The following OSBP2 variants were observed in gnomAD, a reference collection of about 807,000 sequenced individuals.
OSBP2 encodes the protein oxysterol-binding protein 2.
In OSBP2, 66 loss-of-function variants were observed where a neutral mutation model predicts 96.0. The observed-to-expected ratio is 0.69, with a 90% CI of 0.56 to 0.84. OSBP2 has a LOEUF of 0.84. OSBP2 is among the 40% of genes least tolerant of loss of function. OSBP2 has a pLI of 0.00. For missense variants in OSBP2, 1,038 were observed against 1,222.7 expected (o/e 0.85, Z 2.25); for synonymous variants, 525 against 520.9 (o/e 1.01, Z -0.11).
intron 3 of OSBP2, among the ~76,000 whole-genome samples, chr22:30,880,731 C>CAGGATT (rs1369702125): frequency 6.6e-6 from 1 of 152,180 alleles, no homozygotes; most frequent in South Asian, 2.1e-4. Flanking sequence ...AGATCACTGT[C>CAGGATT]AGGATTAGGA....
rs775719849 is a variant in OSBP2, at chr22:30,870,357, G to A, written c.854-72G>A. On this transcript the variant is annotated intron_variant, in intron 2 of 13. Transcript: ENST00000332585. This position sits in a 1 kb window ranked among gnomAD's most constrained non-coding sequence, Gnocchi z 4.1. ...TGGCGCTATCCACCCTGCCCTGCTC[G>A]GCCTGGCTGTGCAGGCCTCTTGGTA... The A allele has an allele frequency of 7.9e-6, 12 of 1,516,754 alleles. No homozygotes were observed. The highest frequency in any genetic ancestry group is 2.3e-5 in the South Asian group (2 of 85,376). The allele number at this position is 1,516,754 out of a possible 1,614,324, so 94.0% of individuals were successfully genotyped here.
At position 30,719,332 on chromosome 22, in the gene OSBP2, A is replaced by G. The variant is rs114688896; in HGVS notation, c.645-21829A>G. On this transcript the variant is annotated intron_variant, in intron 1 of 13. Coordinates refer to ENST00000332585, the MANE Select transcript of OSBP2 (RefSeq NM_030758.4). ...CAGAAGTCCCAGCCCACAGTAAATC[A>G]GTGTTCAGTAACTGATAGCCAGCCA... Among the ~76,000 whole-genome samples the G allele has an allele frequency of 6.7e-3, 1,019 of 152,182 alleles. 12 individuals carry two copies. Among genetic ancestry groups the G allele is most frequent in the African/African-American group, 0.022 (893 of 41,514 alleles).
rs542255785 is a variant in OSBP2, at chr22:30,847,022, G to T, written c.854-23407G>T. ...AGATGGAGTCTTTCTCAATCACCCT[G>T]GCTGGAGTACAGTAGCACAATCTTG... On this transcript the variant is annotated intron_variant, in intron 2 of 13. Coordinates refer to ENST00000332585, the MANE Select transcript of OSBP2 (RefSeq NM_030758.4). 2.0e-5 allele frequency among the ~76,000 whole-genome samples: 3 copies of T among 151,990 alleles called. No homozygotes were observed. In the South Asian group the frequency reaches 6.3e-4, roughly 32 times the overall value.
rs148062740 is a variant in OSBP2, at chr22:30,859,786, G to T, written c.854-10643G>T. Among the ~76,000 whole-genome samples the T allele has an allele frequency of 8.1e-4, 124 of 152,344 alleles. 2 individuals carry two copies. In the South Asian group the frequency reaches 8.9e-3, roughly 11 times the overall value. On this transcript the variant is annotated intron_variant, in intron 2 of 13. Coordinates refer to ENST00000332585, the MANE Select transcript of OSBP2 (RefSeq NM_030758.4). ...CTGAATTTGTGTTATGTGGACAAAG[G>T]CTAGACTTCAATGTGGAACAAAGGA...
At chr22:30,732,016 T>C (rs1490506453) in intron 1 of OSBP2, among the ~76,000 whole-genome samples, 1 of 152,096 alleles carries the variant, frequency 6.6e-6, no homozygotes, top group African/African-American at 2.4e-5. Context: ...TGTTAAGAGA[T>C]ACCGGTGCTA....
rs1160723667 is a variant in OSBP2, at chr22:30,893,229, C to T, written c.1977C>T (p.Ser659=). The change falls in exon 9 of 14, where the codon TCC becomes TCT. Residue 659 remains serine, a synonymous_variant. Transcript: ENST00000332585. ...GCAAGTTCCGGGGAAAATACATCTC[C>T]ATCATGCCGCTAGGTGAGCTGGGGC... The part of the protein sequence containing the change: ...ISSKFRGKYI[S]IMPLGAIHLE... 2.5e-6 allele frequency: 4 copies of T among 1,613,984 alleles called. No individual in the cohort carries two copies. Among genetic ancestry groups the T allele is most frequent in the Admixed American group, 3.3e-5 (2 of 59,996 alleles).
intron 3 of OSBP2, among the ~76,000 whole-genome samples, chr22:30,882,506 T>TAAAA (rs11370269): frequency 1.6e-4 from 23 of 142,424 alleles, no homozygotes; most frequent in African/African-American, 5.8e-4. Context: ...ATGCACACTA[T>TAAAA]AAAAAAAAAA....
At chr22:30,813,947 T>G (rs1299042291) in intron 2 of OSBP2, among the ~76,000 whole-genome samples, 1 of 151,808 alleles carries the variant, frequency 6.6e-6, no homozygotes. Context: ...GGATTACAGG[T>G]GCATGCCATC....
chr22:30,709,706 A>AT (rs571759211), intron 1 of OSBP2, among the ~76,000 whole-genome samples: 4 of 148,988 alleles, frequency 2.7e-5, no homozygotes, highest in East Asian at 2.0e-4. Flanking sequence ...TTTAAAAAAA[A>AT]TTTTTTTTTT....
At chr22:30,694,470 G>A, upstream of OSBP2, 1 of 1,220,906 alleles carries the variant, frequency 8.2e-7, no homozygotes, top group Non-Finnish European at 1.1e-6. Context: ...GGCGGAGAGC[G>A]AACCCACCCC....
chr22:30,748,206 G>A (rs1471714701), intron 2 of OSBP2, among the ~76,000 whole-genome samples: 1 of 150,924 alleles, frequency 6.6e-6, no homozygotes, highest in Admixed American at 6.6e-5. Flanking sequence ...ATTTTAAGAT[G>A]GAGTCCACTC....
rs202147704 is a variant in OSBP2, at chr22:30,811,173, C to CA, written c.854-59256_854-59255insA. On this transcript the variant is annotated intron_variant, in intron 2 of 13. Coordinates refer to ENST00000332585, the MANE Select transcript of OSBP2 (RefSeq NM_030758.4). Reference sequence around the variant, plus strand: ...CATATAAGTATACACAACCCCCCCCCCACACATACATATATAAAAATGAGA... The same window carrying CA: ...CATATAAGTATACACAACCCCCCCCCACACACATACATATATAAAAATGAGA... 7.5e-3 allele frequency among the ~76,000 whole-genome samples: 1,122 copies of CA among 148,660 alleles called. 13 individuals are homozygous for CA. Among genetic ancestry groups the CA allele is most frequent in the African/African-American group, 0.021 (860 of 40,828 alleles).
chr22:30,863,536 T>A (rs924867522), intron 2 of OSBP2, among the ~76,000 whole-genome samples: 3 of 152,090 alleles, frequency 2.0e-5, no homozygotes, highest in Non-Finnish European at 4.4e-5. Context: ...CAAGATGCAA[T>A]GAATGCCCTG....
intron 1 of OSBP2, 29 bp from the exon 2 acceptor site, chr22:30,741,132 C>T: frequency 6.4e-7 from 1 of 1,568,800 alleles, no homozygotes; most frequent in Non-Finnish European, 8.8e-7. Flanking sequence ...TTAGGAGCCT[C>T]ACCCCATTCC....
intron 12 of OSBP2, 25 bp from the exon 13 acceptor site, chr22:30,905,812 G>GCCACCGCCACCA (rs746510059): frequency 1.3e-4 from 203 of 1,609,706 alleles, no homozygotes; most frequent in Non-Finnish European, 1.1e-4. Flanking sequence ...CGCAGCCACC[G>GCCACCGCCACCA]CCACCGCCAC....
intron 2 of OSBP2, among the ~76,000 whole-genome samples, chr22:30,799,136 G>T (rs748197707): frequency 2.2e-5 from 3 of 134,954 alleles, no homozygotes; most frequent in Non-Finnish European, 3.1e-5. Flanking sequence ...TTGAGATAGG[G>T]TCTCACTGTG....
rs373430428 is a variant in OSBP2, at chr22:30,750,696, T to C, written c.853+9327T>C. ...TGATAAAACTTTGGTCTCCACAACC[T>C]CTTATCCCAACCCAGGTATTCCTTT... is the stretch of plus-strand genomic sequence containing the variant. On this transcript the variant is annotated intron_variant, in intron 2 of 13. Coordinates refer to ENST00000332585, the MANE Select transcript of OSBP2 (RefSeq NM_030758.4). 3.9e-5 allele frequency among the ~76,000 whole-genome samples: 6 copies of C among 152,242 alleles called. No homozygotes were observed. The East Asian group carries it at 5.8e-4, about 15-fold the overall frequency.
At chr22:30,742,501 C>T (rs946638347) in intron 2 of OSBP2, among the ~76,000 whole-genome samples, 1 of 152,138 alleles carries the variant, frequency 6.6e-6, no homozygotes, top group African/African-American at 2.4e-5. Context: ...CTCCTGGTTC[C>T]CAGTCACTCA....
chr22:30,723,037 C>T (rs150659488), intron 1 of OSBP2, among the ~76,000 whole-genome samples: 17 of 152,230 alleles, frequency 1.1e-4, no homozygotes, highest in African/African-American at 3.4e-4. Context: ...CCTCCTGCCT[C>T]GACCTTCCAA....
Sources: allele counts gnomAD v4.1 joint callset (sites outside exome capture counted in the v4.1 genomes callset), GRCh38; gene constraint gnomAD v4.1.1; non-coding constraint Gnocchi (gnomAD v3.1); transcripts MANE v1.5; gene names NCBI Gene and HGNC (gene_info 2026-07-23, HGNC 2026-07-21).